CHD1: variants seen among roughly 807,000 people sequenced by gnomAD.
CHD1 encodes ATP-dependent chromatin remodeler CHD1.
CHD1 carries 36 observed loss-of-function variants against 224.2 expected under a neutral mutation model. The ratio of observed to expected loss-of-function variants is 0.16; its 90% CI spans 0.12 to 0.21. The LOEUF is 0.21. Among genes scored for constraint, CHD1 ranks in the 10% least tolerant of loss-of-function variants. CHD1 has a pLI of 1.00. For missense variants in CHD1, 1,378 were observed against 1,994.8 expected (o/e 0.69, Z 5.89); for synonymous variants, 668 against 658.3 (o/e 1.01, Z -0.23).
chr5:98,869,560 G>C (rs978213689), intron 30 of CHD1, 194 bp downstream of exon 30: 1 of 604,760 alleles, frequency 1.7e-6, no homozygotes, highest in African/African-American at 1.9e-5. Context: ...CTACTGGACA[G>C]TTAGAATTCT....
intron 2 of CHD1, 86 bp downstream of exon 2, chr5:98,926,248 C>G (rs1178314289): frequency 1.2e-6 from 1 of 846,936 alleles, no homozygotes; most frequent in Non-Finnish European, 1.8e-6. Flanking sequence ...ATGAGGAAAA[C>G]TAAATAACAA....
intron 18 of CHD1, among the ~76,000 whole-genome samples, chr5:98,884,295 C>T (rs1468614177): frequency 2.0e-5 from 3 of 151,960 alleles, no homozygotes; most frequent in South Asian, 4.2e-4. Flanking sequence ...AGAATGGTCT[C>T]GATCTCCTGA....
At chr5:98,860,806 AT>A (rs1748411889) in intron 32 of CHD1, 1 of 152,220 alleles carries the variant, frequency 6.6e-6, no homozygotes, top group Non-Finnish European at 1.5e-5. Flanking sequence ...CTTGAAATAT[AT>A]TTTTAAAATG....
Position 98,879,541 on chromosome 5 carries a change from T to C in CHD1, c.3237+11A>G. ...TACTTTATAGAAATATCTTTAAAAT[T>C]GCAAAATCACCTGTTTTGCACAATT... is the stretch of plus-strand genomic sequence containing the variant. On this transcript the variant is annotated intron_variant, in intron 23 of 35. Coordinates refer to ENST00000614616, the MANE Select transcript of CHD1 (RefSeq NM_001270.4). 6.3e-7 allele frequency: 1 copy of C among 1,579,430 alleles called. No homozygotes were observed. Among genetic ancestry groups the C allele is most frequent in the Non-Finnish European group, 8.5e-7 (1 of 1,170,904 alleles).
chr5:98,859,636 AG>A (rs1358083030), intron 33 of CHD1, among the ~76,000 whole-genome samples: 1 of 152,138 alleles, frequency 6.6e-6, no homozygotes, highest in African/African-American at 2.4e-5. Context: ...TCAGTATCAG[AG>A]GGTTCATGAT....
At chr5:98,882,864 C>T (rs1162701799) in intron 19 of CHD1, among the ~76,000 whole-genome samples, 2 of 152,010 alleles carry the variant, frequency 1.3e-5, no homozygotes, top group South Asian at 2.1e-4. Context: ...GACTAGAATA[C>T]GGGATCAAAA....
At chr5:98,892,791 G>A (rs1401213096) in intron 14 of CHD1, 78 bp from the exon 15 acceptor site, 4 of 869,066 alleles carry the variant, frequency 4.6e-6, no homozygotes, top group South Asian at 3.1e-5. Flanking sequence ...TTTTTTTTAG[G>A]GGAGTCATTT....
In CHD1 at chr5:98,879,697, T is replaced by C; in HGVS notation, c.3092A>G (p.Asp1031Gly). ...ATTTCTTTCAGGTTCCAACTCAATG[T>C]CATCCTCATCCATATTTGAGAAGTT... ...VANFSNMDEDDIELEPERNSK... is the reference protein window; with the variant it reads ...VANFSNMDEDGIELEPERNSK... Residue 1031 changes from aspartate (D) to glycine (G), a missense_variant, in exon 23 of 36, where the codon GAC becomes GGC. Asp to Gly is a moderately conservative substitution (Grantham distance 94). Around this residue, in one of 16 missense-constraint regions of CHD1, gnomAD observed 286 missense variants for 445.1 expected, o/e 0.64. Coordinates refer to ENST00000614616, the MANE Select transcript of CHD1 (RefSeq NM_001270.4). 1.9e-6 allele frequency: 3 copies of C among 1,602,118 alleles called. No homozygotes were observed. In the South Asian group the frequency reaches 3.4e-5, roughly 18 times the overall value.
In CHD1 at chr5:98,883,084, A is replaced by T. The variant is rs1257551120; in HGVS notation, c.2718+4T>A. 2 of 1,437,900 alleles carry T rather than the reference A, an allele frequency of 1.4e-6. No individual in the cohort carries two copies. The highest frequency in any genetic ancestry group is 9.2e-7 in the Non-Finnish European group (1 of 1,088,882). 89.1% of individuals were successfully genotyped at this position (1,437,900 alleles called of 1,614,324 possible). A position where few individuals can be genotyped will look rare whatever the true frequency, so the allele number is the denominator to read the frequency against. The stretch of plus-strand genomic sequence containing the variant: ...AATATAATATAAATTAAAATTAAAA[A>T]TACCTGTTTCTTTTGCCCAATTCGA... On this transcript the variant is annotated splice_donor_region_variant and intron_variant, in intron 19 of 35. Coordinates refer to ENST00000614616, the MANE Select transcript of CHD1 (RefSeq NM_001270.4).
chr5:98,891,919 A>G (rs1751046287), intron 15 of CHD1, among the ~76,000 whole-genome samples: 1 of 152,264 alleles, frequency 6.6e-6, no homozygotes, highest in Admixed American at 6.5e-5. Flanking sequence ...CATAATAAAA[A>G]TAATTATGCA....
At chr5:98,862,047 C>T (rs1239880393) in intron 32 of CHD1, among the ~76,000 whole-genome samples, 1 of 151,976 alleles carries the variant, frequency 6.6e-6, no homozygotes, top group East Asian at 1.9e-4. Context: ...GTCCCAGCTA[C>T]CAAAGAGACT....
At chr5:98,861,031 T>C (rs1748429898) in intron 32 of CHD1, among the ~76,000 whole-genome samples, 1 of 152,148 alleles carries the variant, frequency 6.6e-6, no homozygotes, top group African/African-American at 2.4e-5. Context: ...AAAAATCTAG[T>C]CAGGAATCAG....
intron 11 of CHD1, 22 bp from the exon 12 acceptor site, chr5:98,896,464 A>C: frequency 6.6e-7 from 1 of 1,524,522 alleles, no homozygotes; most frequent in Non-Finnish European, 9.0e-7. Flanking sequence ...AAAAAAAATT[A>C]GCATGCAAGG....
At chr5:98,881,423 A>C in intron 20 of CHD1, 48 bp from the exon 21 acceptor site, 2 of 892,412 alleles carry the variant, frequency 2.2e-6, no homozygotes, top group Non-Finnish European at 3.4e-6. Flanking sequence ...TTAAAAATAT[A>C]ACAGTTACAC....
In CHD1 at chr5:98,856,626, A is replaced by G. The variant is rs1748054219; in HGVS notation, c.4887T>C (p.Ser1629=). The G allele has an allele frequency of 2.5e-6, 4 of 1,613,672 alleles. No homozygotes were observed. The highest frequency in any genetic ancestry group is 2.2e-5 in the East Asian group (1 of 44,892). ...GATGATCTGAGTGAGAACGATGATC[A>G]GAATGAGATCTATCTTTTAAACTTC... ...LEGSLKDRSH[S]DHRSHSDHRL... The change falls in exon 36 of 36, where the codon TCT becomes TCC. Residue 1629 remains serine, a synonymous_variant. Coordinates refer to ENST00000614616, the MANE Select transcript of CHD1 (RefSeq NM_001270.4).
At chr5:98,914,324 T>C (rs1752608781) in intron 2 of CHD1, among the ~76,000 whole-genome samples, 1 of 152,204 alleles carries the variant, frequency 6.6e-6, no homozygotes, top group African/African-American at 2.4e-5. Context: ...GAGAAGTAGT[T>C]ATATTTAAGC....
rs550406559 is a variant in CHD1 at position 98,866,180 on chromosome 5, C to G, written c.4248+2315G>C. On this transcript the variant is annotated intron_variant, in intron 31 of 35. Transcript: ENST00000614616. ...TGAAAAAGAGAGAAGAAATTCCAGC[C>G]TGTGAACCTGCAGAGGAGATAAAAA... 4.3e-5 allele frequency among the ~76,000 whole-genome samples: 6 copies of G among 138,878 alleles called. No individual in the cohort carries two copies. The South Asian group carries it at 1.1e-3, about 25-fold the overall frequency. The allele number at this position is 138,878 out of a possible 152,430, so 91.1% of individuals were successfully genotyped here. A position where few individuals can be genotyped will look rare whatever the true frequency, so the allele number is the denominator to read the frequency against.
chr5:98,888,298 G>GT (rs1429735718), intron 16 of CHD1, 58 bp from the exon 17 acceptor site: 2 of 1,210,852 alleles, frequency 1.7e-6, no homozygotes, highest in African/African-American at 1.6e-5. Context: ...AGTTGTCCAC[G>GT]TAACACTTTA....
At chr5:98,881,474 G>T in intron 20 of CHD1, 99 bp from the exon 21 acceptor site, 1 of 562,122 alleles carries the variant, frequency 1.8e-6, no homozygotes, top group Non-Finnish European at 3.1e-6. Flanking sequence ...CTTTACAACA[G>T]TTACATGAAG....
Sources: gnomAD v4.1 joint callset for allele counts (sites outside exome capture counted in the v4.1 genomes callset) on GRCh38, gnomAD v4.1.1 for gene constraint, gnomAD v4.1.1 regional missense constraint, MANE v1.5 for transcripts, NCBI Gene and HGNC (gene_info 2026-07-23, HGNC 2026-07-21) for gene names.